The following ADCY8 variants were observed in gnomAD, a reference collection of about 807,000 sequenced individuals.
ADCY8 encodes adenylate cyclase type 8.
In ADCY8, 51 loss-of-function variants were observed where a neutral mutation model predicts 119.7. That is an observed-to-expected ratio of 0.43 (90% confidence interval 0.34 to 0.54). The LOEUF is 0.54. ADCY8 is among the 20% of genes least tolerant of loss of function. The pLI is 0.03. For synonymous variants in ADCY8, 665 were observed against 651.0 expected (o/e 1.02, Z -0.33); for missense variants, 1,383 against 1,598.8 (o/e 0.87, Z 2.30).
intron 8 of ADCY8, among the ~76,000 whole-genome samples, chr8:130,883,141 C>T (rs186576016): frequency 6.1e-4 from 93 of 152,024 alleles, no homozygotes; most frequent in Non-Finnish European, 2.8e-4. Flanking sequence ...GTAGTATGCA[C>T]GGGTTAGGTT....
chr8:130,843,161 A>G (rs1343466867), intron 11 of ADCY8, among the ~76,000 whole-genome samples: 1 of 152,210 alleles, frequency 6.6e-6, no homozygotes, highest in Non-Finnish European at 1.5e-5. Flanking sequence ...TCAGAGCAGC[A>G]TATGATGTAG....
At chr8:130,847,924 C>T (rs1817383560) in intron 10 of ADCY8, among the ~76,000 whole-genome samples, 1 of 152,122 alleles carries the variant, frequency 6.6e-6, no homozygotes, top group Admixed American at 6.5e-5. Context: ...GTACATTTTC[C>T]AGAAAGACTC....
At chr8:130,865,706 T>A (rs917095669) in intron 9 of ADCY8, among the ~76,000 whole-genome samples, 2 of 152,182 alleles carry the variant, frequency 1.3e-5, no homozygotes, top group Non-Finnish European at 2.9e-5. Flanking sequence ...GCTTTCTCTT[T>A]GGTTGCTTTC....
At chr8:130,787,561 G>C (rs1586411153) in intron 15 of ADCY8, among the ~76,000 whole-genome samples, 1 of 141,996 alleles carries the variant, frequency 7.0e-6, no homozygotes, top group East Asian at 2.0e-4. Flanking sequence ...ACACACATGT[G>C]GGCACATTTG....
At chr8:130,830,807 C>T (rs1199486975) in intron 12 of ADCY8, among the ~76,000 whole-genome samples, 2 of 152,184 alleles carry the variant, frequency 1.3e-5, no homozygotes, top group African/African-American at 4.8e-5. Flanking sequence ...TTGTTGCCTC[C>T]CTGAATTAAA....
chr8:130,903,919 C>G lies in ADCY8; in HGVS notation c.1764G>C (p.Lys588Asn). The G allele has an allele frequency of 6.2e-7, 1 of 1,614,132 alleles. No homozygotes were observed. The highest frequency in any genetic ancestry group is 1.3e-5 in the African/African-American group (1 of 75,036). The change falls in exon 7 of 18, where the codon AAG (lysine) becomes AAC (asparagine). Residue 588 changes from lysine to asparagine, a missense_variant. This residue lies in a region of ADCY8 where 928 missense variants were observed against 1,163.5 expected (regional missense o/e 0.80). Transcript: ENST00000286355. ...AGGACAGCAGACTGTCCTCAGGCTG[C>G]TTAATTAAGTAAGTTTCGATATTAT... Reference protein sequence around the residue: ...RKHNIETYLIKQPEDSLLSLP... With the variant: ...RKHNIETYLINQPEDSLLSLP...
At chr8:130,984,898 G>A (rs1371649500) in intron 2 of ADCY8, among the ~76,000 whole-genome samples, 1 of 152,160 alleles carries the variant, frequency 6.6e-6, no homozygotes, top group African/African-American at 2.4e-5. Context: ...AGAAAAGAAT[G>A]TAATGTTAGA....
chr8:131,023,792 A>G (rs529347575), intron 1 of ADCY8, among the ~76,000 whole-genome samples: 3 of 152,306 alleles, frequency 2.0e-5, no homozygotes, highest in African/African-American at 7.2e-5. Flanking sequence ...TTAAAAGGAT[A>G]CTTTTAGGCT....
chr8:130,806,521 A>G (rs918315739), intron 14 of ADCY8, among the ~76,000 whole-genome samples: 1 of 152,200 alleles, frequency 6.6e-6, no homozygotes, highest in African/African-American at 2.4e-5. Flanking sequence ...GGAAACCCTA[A>G]GAAATCTCCC....
At chr8:130,882,179 A>T (rs1818802848) in intron 8 of ADCY8, among the ~76,000 whole-genome samples, 1 of 144,918 alleles carries the variant, frequency 6.9e-6, no homozygotes, top group Non-Finnish European at 1.5e-5. Context: ...CTCACAGTTG[A>T]TGACACCTTA....
intron 1 of ADCY8, among the ~76,000 whole-genome samples, chr8:131,030,459 A>G (rs1162607467): frequency 6.6e-6 from 1 of 152,164 alleles, no homozygotes; most frequent in Non-Finnish European, 1.5e-5. Context: ...AATCCACTGC[A>G]GCTTTGATGT....
At chr8:131,009,790 A>T (rs1051647422) in intron 1 of ADCY8, among the ~76,000 whole-genome samples, 1 of 152,202 alleles carries the variant, frequency 6.6e-6, no homozygotes, top group Non-Finnish European at 1.5e-5. Context: ...AATGTATAGA[A>T]GTTAGGCAAG....
intron 15 of ADCY8, among the ~76,000 whole-genome samples, chr8:130,799,186 A>G (rs1400172805): frequency 6.6e-6 from 1 of 152,210 alleles, no homozygotes; most frequent in Non-Finnish European, 1.5e-5. Context: ...TTAGTTAGAC[A>G]AGAGGAGTAC....
At chr8:130,948,528 G>GC (rs1040464274) in intron 3 of ADCY8, among the ~76,000 whole-genome samples, 11 of 151,982 alleles carry the variant, frequency 7.2e-5, no homozygotes, top group Non-Finnish European at 1.5e-4. Flanking sequence ...GCACACGAAT[G>GC]CCCCCAAGCA....
chr8:131,039,861 C>T lies in ADCY8; in HGVS notation c.473G>A (p.Arg158His). 1 of 1,614,104 alleles carries T rather than the reference C, an allele frequency of 6.2e-7. No homozygotes were observed. The highest frequency in any genetic ancestry group is 1.3e-5 in the African/African-American group (1 of 75,044). ...CAAATCCCGAGATTTGAAGGAGTTGCGCAGGGTGGGGAAAATGACCCCTCG... is the reference window on the plus strand; with the variant it reads ...CAAATCCCGAGATTTGAAGGAGTTGTGCAGGGTGGGGAAAATGACCCCTCG... The part of the protein sequence containing the change: ...SYRGVIFPTL[R>H]NSFKSRDLER... Residue 158 changes from arginine (R) to histidine (H), a missense_variant, in exon 1 of 18, where the codon CGC becomes CAC. By Grantham distance (29) the Arg-to-His change is conservative. Transcript: ENST00000286355.
intron 1 of ADCY8, among the ~76,000 whole-genome samples, chr8:130,995,307 A>C (rs1352249543): frequency 6.6e-6 from 1 of 152,212 alleles, no homozygotes; most frequent in Non-Finnish European, 1.5e-5. Flanking sequence ...GCTTGGGAGA[A>C]GGAAAGAACT....
intron 8 of ADCY8, among the ~76,000 whole-genome samples, chr8:130,876,033 A>T (rs567276290): frequency 6.6e-6 from 1 of 152,082 alleles, no homozygotes; most frequent in Non-Finnish European, 1.5e-5. Context: ...ATTCAACTTC[A>T]GTTTTGTTTA....
chr8:130,980,512 G>A (rs999571848), intron 2 of ADCY8, among the ~76,000 whole-genome samples: 2 of 152,178 alleles, frequency 1.3e-5, no homozygotes, highest in Non-Finnish European at 2.9e-5. Context: ...GAAAAAAGAT[G>A]GATGAGAAAG....
intron 1 of ADCY8, among the ~76,000 whole-genome samples, chr8:131,009,387 G>T (rs2130777126): frequency 6.6e-6 from 1 of 152,094 alleles, no homozygotes. Flanking sequence ...TTGAATCATG[G>T]GGTGGTTTCC....
Sources: allele counts gnomAD v4.1 joint callset (sites outside exome capture counted in the v4.1 genomes callset), GRCh38; gene constraint gnomAD v4.1.1; regional missense constraint gnomAD v4.1.1; transcripts MANE v1.5; gene names NCBI Gene and HGNC (gene_info 2026-07-23, HGNC 2026-07-21).